The following SLC12A5 variants were observed in gnomAD, a reference collection of about 807,000 sequenced individuals.
SLC12A5 encodes the protein solute carrier family 12 member 5.
Under a neutral mutation model 124.0 loss-of-function variants are expected in SLC12A5, and 18 were observed. The ratio of observed to expected loss-of-function variants is 0.15; its 90% CI spans 0.10 to 0.22. The LOEUF (loss-of-function observed/expected upper bound fraction) is 0.22, where lower values mean the gene tolerates loss of function less well. Among genes scored for constraint, SLC12A5 ranks in the 10% least tolerant of loss-of-function variants. SLC12A5 has a pLI of 1.00. For missense variants in SLC12A5, 867 were observed against 1,478.7 expected, an observed-to-expected ratio of 0.59 and a Z score of 6.78; for synonymous variants, 589 against 568.0, an observed-to-expected ratio of 1.04 and a Z score of -0.53.
rs2084706001 is a variant in SLC12A5 at position 46,057,377 on chromosome 20, A to G, written c.3259+74A>G. 1 of 1,609,910 alleles carries G rather than the reference A, an allele frequency of 6.2e-7. No individual in the cohort carries two copies. Among genetic ancestry groups the G allele is most frequent in the Non-Finnish European group, 8.5e-7 (1 of 1,176,414 alleles). ...ATCTGGGTCCTGTCCCTGGGATGGA[A>G]GAGCTGAGCTGTTCCTGCCTCCGGA... On this transcript the variant is annotated intron_variant, in intron 25 of 25. Transcript: ENST00000243964. The surrounding 1 kb of genome is among the most constrained non-coding windows in gnomAD (Gnocchi z 7.1).
At chr20:46,024,229 C>T (rs907964857), upstream of SLC12A5, among the ~76,000 whole-genome samples, 10 of 152,124 alleles carry the variant, frequency 6.6e-5, no homozygotes, top group South Asian at 6.2e-4. Flanking sequence ...CAGTGACTCA[C>T]TCAGTGCTTC....
At chr20:46,031,518 A>G (rs1433693304) in intron 1 of SLC12A5, among the ~76,000 whole-genome samples, 1 of 152,180 alleles carries the variant, frequency 6.6e-6, no homozygotes, top group Non-Finnish European at 1.5e-5. Context: ...ACGGGAAGGA[A>G]CTGGTTGCTG....
At chr20:46,022,025 G>A in intron 1 of SLC12A5, 1 of 1,064,422 alleles carries the variant, frequency 9.4e-7, no homozygotes, top group Non-Finnish European at 1.3e-6. Context: ...GAGGGGAATG[G>A]AGCCAGGACT....
chr20:46,027,841 T>C (rs1046948449), upstream of SLC12A5: 5 of 152,132 alleles, frequency 3.3e-5, no homozygotes, highest in Admixed American at 3.3e-4. Flanking sequence ...AGGCAGTCAT[T>C]TTCCCTCTAT....
rs904382019 is a variant in SLC12A5, at chr20:46,059,827, G to C, written c.*2222G>C. 4 of 394,256 alleles carry C rather than the reference G, an allele frequency of 1.0e-5. No homozygotes were observed. Among genetic ancestry groups the C allele is most frequent in the Non-Finnish European group, 1.8e-5 (4 of 223,758 alleles). The allele number at this position is 394,256 out of a possible 1,614,324, so 24.4% of individuals were successfully genotyped here. A position where few individuals can be genotyped will look rare whatever the true frequency, so the allele number is the denominator to read the frequency against. ...TGTAGTGATAACTAGTGTTGCTTTT[G>C]TTTTAGATGATCTATGTGCAGGGCA... On this transcript the variant is annotated 3_prime_UTR_variant, in exon 26 of 26. Transcript: ENST00000243964.
intron 1 of SLC12A5, among the ~76,000 whole-genome samples, chr20:46,031,614 C>A (rs1313097059): frequency 6.6e-6 from 1 of 152,204 alleles, no homozygotes; most frequent in Non-Finnish European, 1.5e-5. Flanking sequence ...CTTCTTTCTC[C>A]TTGGGGTCTG....
chr20:46,051,105 G>GT (rs1255855293), intron 17 of SLC12A5, among the ~76,000 whole-genome samples: 1 of 152,180 alleles, frequency 6.6e-6, no homozygotes, highest in Non-Finnish European at 1.5e-5. Context: ...AATCCTCACA[G>GT]TAACATTAGC....
In SLC12A5 at chr20:46,043,943, T is replaced by C; in HGVS notation, c.1394+10T>C. ...TCGTCCTGCGGGACAAGTAAGATAA[T>C]TGGGGTTGATCCTATTCTGGGGGAG... On this transcript the variant is annotated intron_variant, in intron 11 of 25. Coordinates refer to ENST00000243964, the MANE Select transcript of SLC12A5 (RefSeq NM_020708.5). 2 of 1,591,604 alleles carry C rather than the reference T, an allele frequency of 1.3e-6. No individual in the cohort carries two copies. Among genetic ancestry groups the C allele is most frequent in the Non-Finnish European group, 1.7e-6 (2 of 1,168,490 alleles).
chr20:46,024,217 G>C (rs896126938), upstream of SLC12A5, among the ~76,000 whole-genome samples: 1 of 151,944 alleles, frequency 6.6e-6, no homozygotes, highest in African/African-American at 2.4e-5. Flanking sequence ...CTGTGGGGTG[G>C]TCAGTGACTC....
Position 46,056,021 on chromosome 20 carries a change from C to A in SLC12A5, c.2788-129C>A. On this transcript the variant is annotated intron_variant, in intron 21 of 25. Transcript: ENST00000243964. The surrounding 1 kb of genome is among the most constrained non-coding windows in gnomAD (Gnocchi z 4.3). ...GTAGCTATTTGGTCTCAAATCATAG[C>A]AATATTTTAACAACTGGTACAGTTC... 1 of 1,318,662 alleles carries A rather than the reference C, an allele frequency of 7.6e-7. No individual in the cohort carries two copies. 81.7% of individuals were successfully genotyped at this position (1,318,662 alleles called of 1,614,324 possible).
intron 4 of SLC12A5, 110 bp downstream of exon 4, chr20:46,036,033 C>G (rs997658339): frequency 1.5e-6 from 2 of 1,321,322 alleles, no homozygotes; most frequent in Non-Finnish European, 2.0e-6. Context: ...TTATAGGAAC[C>G]ACTGCTTATG....
intron 1 of SLC12A5, among the ~76,000 whole-genome samples, chr20:46,029,911 T>C (rs1209922951): frequency 2.7e-5 from 2 of 73,806 alleles, no homozygotes; most frequent in Non-Finnish European, 6.6e-5. Flanking sequence ...CGTATGTGTG[T>C]GTGTGCGTGT....
upstream of SLC12A5, among the ~76,000 whole-genome samples, chr20:46,026,817 G>A (rs767089290): frequency 6.6e-6 from 1 of 152,158 alleles, no homozygotes; most frequent in Non-Finnish European, 1.5e-5. Context: ...CTCTTGAGAT[G>A]GGAACTCTAG....
intron 21 of SLC12A5, chr20:46,055,771 G>C (rs1694241990): frequency 8.5e-6 from 2 of 234,796 alleles, no homozygotes; most frequent in African/African-American, 4.5e-5. Flanking sequence ...ATGAGTGATG[G>C]GTACCACTTT....
In SLC12A5 at chr20:46,036,794, T is replaced by C. The variant is rs1452883738; in HGVS notation, c.480T>C (p.Pro160=). ...CAATTGCAACGAATGGTGTTGTGCC[T>C]GGTAGGTGACTGGGGCTTTGTGGGG... ...MSAIATNGVV[P]AGGSYYMISR... Residue 160 remains proline (P), a splice_region_variant and synonymous_variant, in exon 5 of 26, where the codon CCT becomes CCC. Transcript: ENST00000243964. The C allele has an allele frequency of 6.2e-7, 1 of 1,613,914 alleles. No homozygotes were observed. The highest frequency in any genetic ancestry group is 1.7e-4 in the Middle Eastern group (1 of 6,060).
chr20:46,035,390 C>T lies in SLC12A5; in HGVS notation c.148-14C>T, dbSNP rs369482505. On this transcript the variant is annotated splice_polypyrimidine_tract_variant and intron_variant, in intron 2 of 25. Transcript: ENST00000243964. Reference sequence around the variant, plus strand: ...CTCCCCCAGCCTCCTAGCACTGACACCCTCCCTCCATAGGAGGAGATGGAC... The same window carrying T: ...CTCCCCCAGCCTCCTAGCACTGACATCCTCCCTCCATAGGAGGAGATGGAC... The T allele has an allele frequency of 1.9e-6, 3 of 1,607,426 alleles. No homozygotes were observed. Among genetic ancestry groups the T allele is most frequent in the Non-Finnish European group, 1.7e-6 (2 of 1,176,032 alleles).
chr20:46,021,697 C>G, upstream of SLC12A5: 1 of 1,519,934 alleles, frequency 6.6e-7, no homozygotes, highest in South Asian at 1.2e-5. Context: ...TTTCTCCCTC[C>G]TAGAGCCTGG....
At chr20:46,029,620 A>T (rs1448400263) in intron 1 of SLC12A5, among the ~76,000 whole-genome samples, 1 of 152,084 alleles carries the variant, frequency 6.6e-6, no homozygotes, top group Non-Finnish European at 1.5e-5. Context: ...GGGCCGGGGG[A>T]TTATCGCTGC....
chr20:46,057,141 G>A lies in SLC12A5; in HGVS notation c.3126-29G>A, dbSNP rs1423937791. 1.2e-6 allele frequency: 2 copies of A among 1,612,256 alleles called. No homozygotes were observed. Among genetic ancestry groups the A allele is most frequent in the East Asian group, 2.2e-5 (1 of 44,808 alleles). On this transcript the variant is annotated intron_variant, in intron 24 of 25. Coordinates refer to ENST00000243964, the MANE Select transcript of SLC12A5 (RefSeq NM_020708.5). This position sits in a 1 kb window ranked among gnomAD's most constrained non-coding sequence, Gnocchi z 7.1. ...AATCTTCTCTACCCCCCCGGCTCACGCGGTCTCCACTCCTCCTTCCTGCCG... is the reference window on the plus strand; with the variant it reads ...AATCTTCTCTACCCCCCCGGCTCACACGGTCTCCACTCCTCCTTCCTGCCG...
Sources: allele counts gnomAD v4.1 joint callset (sites outside exome capture counted in the v4.1 genomes callset), GRCh38; gene constraint gnomAD v4.1.1; non-coding constraint Gnocchi (gnomAD v3.1); transcripts MANE v1.5; gene names NCBI Gene and HGNC (gene_info 2026-07-23, HGNC 2026-07-21).